P4HA3: variants seen among roughly 807,000 people sequenced by gnomAD.
P4HA3 encodes the protein prolyl 4-hydroxylase subunit alpha-3.
In P4HA3, 60 loss-of-function variants were observed where a neutral mutation model predicts 66.7. The ratio of observed to expected loss-of-function variants is 0.90; its 90% confidence interval spans 0.73 to 1.12. The LOEUF (loss-of-function observed/expected upper bound fraction) is 1.12. Ranked by LOEUF, P4HA3 falls within the 50% of genes most tolerant of loss-of-function variation. The pLI is 0.00. For missense variants in P4HA3, 683 were observed against 685.8 expected, an observed-to-expected ratio of 1.00 and a Z score of 0.05; for synonymous variants, 263 against 274.6, an observed-to-expected ratio of 0.96 and a Z score of 0.42.
rs1860619962 is a variant in P4HA3, at chr11:74,281,967, C to A, written c.1111-2515G>T. ...TATGAACAACATGTGCTTGCGAGTT[C>A]CTCTCACATGTGGCTCTACAATCTT... On this transcript the variant is annotated intron_variant, in intron 7 of 12. Transcript: ENST00000331597. 1.3e-5 allele frequency among the ~76,000 whole-genome samples: 2 copies of A among 151,138 alleles called. 1 individual carries two copies. Among genetic ancestry groups the A allele is most frequent in the South Asian group, 4.2e-4 (2 of 4,768 alleles).
intron 4 of P4HA3, among the ~76,000 whole-genome samples, chr11:74,294,322 A>G (rs577456328): frequency 2.0e-5 from 3 of 152,086 alleles, no homozygotes; most frequent in East Asian, 1.9e-4. Flanking sequence ...ACTTCTCTGC[A>G]TTGGTTATTC....
intron 3 of P4HA3, among the ~76,000 whole-genome samples, chr11:74,300,477 G>C (rs1367131318): frequency 6.6e-6 from 1 of 152,046 alleles, no homozygotes; most frequent in East Asian, 1.9e-4. Context: ...AAATTAGCTG[G>C]ATATGGTGGG....
intron 14 of P4HA3, among the ~76,000 whole-genome samples, chr11:74,260,592 A>G (rs1263023161): frequency 1.3e-5 from 2 of 152,226 alleles, no homozygotes; most frequent in African/African-American, 4.8e-5. Flanking sequence ...ATAAAGTTAG[A>G]CAAAATCTTT....
At chr11:74,280,182 C>G (rs1431671409) in intron 7 of P4HA3, among the ~76,000 whole-genome samples, 1 of 152,114 alleles carries the variant, frequency 6.6e-6, no homozygotes, top group East Asian at 1.9e-4. Flanking sequence ...GAGACAGGGT[C>G]TTGCTCTGTT....
At chr11:74,264,616 GTA>G (rs897463601), downstream of P4HA3, among the ~76,000 whole-genome samples, 4 of 152,192 alleles carry the variant, frequency 2.6e-5, no homozygotes, top group African/African-American at 9.7e-5. Context: ...CTGGCACTGA[GTA>G]TGCACCTTGT....
At chr11:74,275,000 A>G (rs1028435375) in intron 9 of P4HA3, among the ~76,000 whole-genome samples, 1 of 152,186 alleles carries the variant, frequency 6.6e-6, no homozygotes, top group South Asian at 2.1e-4. Context: ...GCCTACTCAA[A>G]TAACTTTCTG....
intron 9 of P4HA3, among the ~76,000 whole-genome samples, chr11:74,275,292 C>G (rs1365304227): frequency 6.6e-6 from 1 of 152,028 alleles, no homozygotes; most frequent in African/African-American, 2.4e-5. Context: ...ATGTTTTCTT[C>G]TAGAAGTTTT....
At position 74,293,601 on chromosome 11, in the gene P4HA3, T is replaced by G. The variant is rs566426580; in HGVS notation, c.718-4471A>C. On this transcript the variant is annotated intron_variant, in intron 4 of 12. Coordinates refer to ENST00000331597, the MANE Select transcript of P4HA3 (RefSeq NM_182904.5). ...GGCTGGTACCAGTTGTTCCTTTCCATGTTTAGTGCTTCCTTCAGGAGCTCT... is the reference window on the plus strand; with the variant it reads ...GGCTGGTACCAGTTGTTCCTTTCCAGGTTTAGTGCTTCCTTCAGGAGCTCT... Among the ~76,000 whole-genome samples, 12 of 152,334 alleles carry G rather than the reference T, an allele frequency of 7.9e-5. No homozygotes were observed. The East Asian group carries it at 1.7e-3, about 22-fold the overall frequency.
At chr11:74,300,213 C>T (rs762746188) in intron 3 of P4HA3, among the ~76,000 whole-genome samples, 7 of 152,162 alleles carry the variant, frequency 4.6e-5, no homozygotes, top group Non-Finnish European at 8.8e-5. Context: ...CATGGATTCT[C>T]TTAGGGGGAA....
At position 74,281,898 on chromosome 11, in the gene P4HA3, T is replaced by A. The variant is rs913943856; in HGVS notation, c.1111-2446A>T. 2.2e-5 allele frequency among the ~76,000 whole-genome samples: 3 copies of A among 138,732 alleles called. No individual in the cohort carries two copies. In the East Asian group the frequency reaches 6.4e-4, roughly 29 times the overall value. The allele number at this position is 138,732 out of a possible 152,430, so 91.0% of individuals were successfully genotyped here. On this transcript the variant is annotated intron_variant, in intron 7 of 12. Coordinates refer to ENST00000331597, the MANE Select transcript of P4HA3 (RefSeq NM_182904.5). ...ATAATAATAATAATAATAATAATAA[T>A]AAAAGTTTGGGACAAAAAAATAAAA...
intron 11 of P4HA3, among the ~76,000 whole-genome samples, chr11:74,269,023 G>A (rs1015405358): frequency 1.3e-5 from 2 of 152,190 alleles, no homozygotes; most frequent in African/African-American, 4.8e-5. Flanking sequence ...ATTATCGAAT[G>A]CTCAGGATGT....
intron 1 of P4HA3, among the ~76,000 whole-genome samples, chr11:74,306,388 G>C (rs1256109127): frequency 3.3e-5 from 5 of 152,068 alleles, no homozygotes; most frequent in Non-Finnish European, 7.3e-5. Flanking sequence ...AAACACCAAT[G>C]GAATTTATAT....
intron 9 of P4HA3, 61 bp from the exon 10 acceptor site, chr11:74,273,668 G>T (rs1860286534): frequency 1.5e-6 from 2 of 1,337,266 alleles, no homozygotes. Flanking sequence ...GGACAGGCAG[G>T]ATTCCACTAT....
intron 8 of P4HA3, 39 bp downstream of exon 8, chr11:74,279,349 G>C: frequency 6.3e-7 from 1 of 1,584,106 alleles, no homozygotes; most frequent in South Asian, 1.1e-5. Flanking sequence ...ACGGCCCGAG[G>C]GTGGGCAGCA....
At chr11:74,283,252 G>A (rs141433411) in intron 7 of P4HA3, among the ~76,000 whole-genome samples, 121 of 152,244 alleles carry the variant, frequency 7.9e-4, no homozygotes, top group African/African-American at 2.7e-3. Context: ...TTAAATCAAC[G>A]TCTCTGGGTG....
chr11:74,269,654 T>G lies in P4HA3; in HGVS notation c.1465A>C (p.Arg489=). 1 of 1,613,634 alleles carries G rather than the reference T, an allele frequency of 6.2e-7. No individual in the cohort carries two copies. The highest frequency in any genetic ancestry group is 1.1e-5 in the South Asian group (1 of 90,968). ...IYANLSVPVV[R]NAALFWWNLH... The stretch of plus-strand genomic sequence containing the variant: ...TCTGGGACCAGGGCCCCACTCACCC[T>G]AACCACAGGCACGCTGAGGTTGGCA... Residue 489 remains arginine (R), a splice_region_variant and synonymous_variant, in exon 11 of 13, where the codon AGG becomes CGG. Coordinates refer to ENST00000331597, the MANE Select transcript of P4HA3 (RefSeq NM_182904.5).
chr11:74,268,226 A>G lies in P4HA3; in HGVS notation c.1483T>C (p.Trp495Arg), dbSNP rs1329032437. 13 of 1,613,788 alleles carry G rather than the reference A, an allele frequency of 8.1e-6. No homozygotes were observed. In the Admixed American group the frequency reaches 1.7e-4, roughly 21 times the overall value. ...TCACCACTCCTGTGCAGGTTCCACC[A>G]AAACAGTGCTGCATTCTGAAACAAG... ...VPVVRNAALF[W>R]WNLHRSGEGD... Residue 495 changes from tryptophan (W) to arginine (R), a missense_variant, in exon 12 of 13, where the codon TGG (tryptophan) becomes CGG (arginine). Transcript: ENST00000331597.
Position 74,304,394 on chromosome 11 carries a change from A to G in P4HA3, c.219T>C (p.Leu73=), listed in dbSNP as rs1380928233. The G allele has an allele frequency of 5.0e-6, 8 of 1,614,010 alleles. No homozygotes were observed. In the South Asian group the frequency reaches 7.7e-5, roughly 16 times the overall value. Residue 73 remains leucine, a synonymous_variant, in exon 2 of 13, where the codon CTT becomes CTC. Coordinates refer to ENST00000331597, the MANE Select transcript of P4HA3 (RefSeq NM_182904.5). Reference sequence around the variant, plus strand: ...GGGTTGTTGAATCCTCATGCAAAGAAAGTACCTTGTCGTAGAATCTGAAAG... The same window carrying G: ...GGGTTGTTGAATCCTCATGCAAAGAGAGTACCTTGTCGTAGAATCTGAAAG... The part of the protein sequence containing the change: ...RDLTRFYDKV[L]SLHEDSTTPV...
intron 10 of P4HA3, among the ~76,000 whole-genome samples, chr11:74,271,728 C>T (rs1860206722): frequency 6.6e-6 from 1 of 152,124 alleles, no homozygotes; most frequent in Admixed American, 6.5e-5. Flanking sequence ...ATCCTCTGTA[C>T]TTCTTAAAGA....
Sources: gnomAD v4.1 joint callset for allele counts (sites outside exome capture counted in the v4.1 genomes callset) on GRCh38, gnomAD v4.1.1 for gene constraint, MANE v1.5 for transcripts, NCBI Gene and HGNC (gene_info 2026-07-23, HGNC 2026-07-21) for gene names.